Variants in COL5A2 observed in about 807,000 individuals in gnomAD.
The protein encoded by COL5A2 is collagen alpha-2(V) chain.
A neutral mutation model predicts 208.2 loss-of-function variants in COL5A2; 23 were observed. The observed-to-expected ratio is 0.11, with a 90% CI of 0.08 to 0.16. The LOEUF is 0.16. Among genes scored for constraint, COL5A2 ranks in the 10% least tolerant of loss-of-function variants. The pLI, the probability that COL5A2 is intolerant of heterozygous loss-of-function variation, is 1.00. For missense variants in COL5A2, 1,590 were observed against 1,956.4 expected (o/e 0.81, Z 3.53); for synonymous variants, 625 against 628.5 (o/e 0.99, Z 0.08).
the COL5A2 span, among the ~76,000 whole-genome samples, chr2:189,393,018 C>T: frequency 2.0e-5 from 3 of 152,188 alleles, no homozygotes; most frequent in South Asian, 4.1e-4. Flanking sequence ...TAGAACTCTA[C>T]GCATAAATAA....
chr2:189,243,345 T>G, the COL5A2 span, among the ~76,000 whole-genome samples: 2 of 152,072 alleles, frequency 1.3e-5, no homozygotes, highest in Non-Finnish European at 2.9e-5. Flanking sequence ...TAAAGACATA[T>G]CCAAAACTGG....
At chr2:189,130,240 CT>C (rs1347395129) in intron 1 of COL5A2, among the ~76,000 whole-genome samples, 2 of 151,960 alleles carry the variant, frequency 1.3e-5, no homozygotes, top group Non-Finnish European at 2.9e-5. Flanking sequence ...TATGAGTATG[CT>C]TTTAGACTAT....
intron 1 of COL5A2, among the ~76,000 whole-genome samples, chr2:189,191,765 C>T (rs918137569): frequency 6.6e-6 from 1 of 152,052 alleles, no homozygotes; most frequent in Non-Finnish European, 1.5e-5. Context: ...CATTATACTT[C>T]AGAGTACTTT....
the COL5A2 span, among the ~76,000 whole-genome samples, chr2:189,355,155 T>C: frequency 1.5e-4 from 23 of 152,232 alleles, no homozygotes; most frequent in Non-Finnish European, 3.2e-4. Context: ...CTGTTTGTTA[T>C]GATTTCCATT....
chr2:189,203,602 C>A (rs1280660047), intron 1 of COL5A2, among the ~76,000 whole-genome samples: 1 of 152,188 alleles, frequency 6.6e-6, no homozygotes, highest in Non-Finnish European at 1.5e-5. Context: ...TGCAATACTT[C>A]CAGTTTCATG....
intron 32 of COL5A2, 66 bp from the exon 33 acceptor site, chr2:189,058,593 G>T: frequency 7.1e-7 from 1 of 1,407,390 alleles, no homozygotes; most frequent in Non-Finnish European, 1.0e-6. Flanking sequence ...AAATGTTTCT[G>T]AGAAATGGCT....
chr2:189,420,672 G>A, the COL5A2 span, among the ~76,000 whole-genome samples: 1 of 152,012 alleles, frequency 6.6e-6, no homozygotes, highest in Admixed American at 6.6e-5. Context: ...AAGCCACAAA[G>A]ATAGATGAAT....
intron 1 of COL5A2, among the ~76,000 whole-genome samples, chr2:189,161,868 G>C (rs949699957): frequency 6.6e-6 from 1 of 152,194 alleles, no homozygotes; most frequent in African/African-American, 2.4e-5. Flanking sequence ...TAAAGAAAGA[G>C]GAAGTGCTAC....
chr2:189,051,719 T>C (rs1487911342), intron 41 of COL5A2, among the ~76,000 whole-genome samples: 2 of 152,234 alleles, frequency 1.3e-5, no homozygotes, highest in African/African-American at 4.8e-5. Flanking sequence ...CTTTGAATAA[T>C]TTTTAAAGAG....
In COL5A2 at chr2:189,051,459, G is replaced by T; in HGVS notation, c.2792C>A (p.Pro931His). Reference protein sequence around the residue: ...GPAGAPGPAGPLGEPGKEGPP... With the variant: ...GPAGAPGPAGHLGEPGKEGPP... ...TCCCTCCTTCCCGGGTTCCCCTAGG[G>T]GTCCCGCAGGTCCTGGAGCTCCCTA... The change falls in exon 42 of 54, where the codon CCC (proline) becomes CAC (histidine). Residue 931 changes from proline to histidine, a missense_variant. Coordinates refer to ENST00000374866, the MANE Select transcript of COL5A2 (RefSeq NM_000393.5). The T allele has an allele frequency of 6.2e-7, 1 of 1,609,220 alleles. No homozygotes were observed. Among genetic ancestry groups the T allele is most frequent in the Non-Finnish European group, 8.5e-7 (1 of 1,178,024 alleles).
chr2:189,427,421 C>G, the COL5A2 span, among the ~76,000 whole-genome samples: 1 of 152,204 alleles, frequency 6.6e-6, no homozygotes, highest in Non-Finnish European at 1.5e-5. Context: ...AGAGCCCTCA[C>G]GGAGACCCTT....
intron 16 of COL5A2, 122 bp downstream of exon 16, chr2:189,078,394 A>G: frequency 1.5e-6 from 1 of 665,430 alleles, no homozygotes; most frequent in Non-Finnish European, 2.4e-6. Flanking sequence ...CAAAAGAAAA[A>G]GAAAAAAAAA....
the COL5A2 span, among the ~76,000 whole-genome samples, chr2:189,386,680 C>T: frequency 1.3e-5 from 2 of 152,094 alleles, no homozygotes; most frequent in African/African-American, 2.4e-5. Context: ...ACACATACTT[C>T]TCAAAAGAAG....
chr2:189,301,596 T>C, the COL5A2 span, among the ~76,000 whole-genome samples: 62 of 152,288 alleles, frequency 4.1e-4, no homozygotes, highest in African/African-American at 1.5e-3. Flanking sequence ...AGATTGTCAC[T>C]GAAAAATAGG....
At chr2:189,408,815 A>C in the COL5A2 span, among the ~76,000 whole-genome samples, 1 of 152,152 alleles carries the variant, frequency 6.6e-6, no homozygotes, top group African/African-American at 2.4e-5. Context: ...ATCCAGATAT[A>C]TTTGTGAGTC....
chr2:189,415,540 T>C, the COL5A2 span, among the ~76,000 whole-genome samples: 2 of 152,258 alleles, frequency 1.3e-5, no homozygotes, highest in Admixed American at 1.3e-4. Flanking sequence ...ACTTGGTCAG[T>C]GGATTTGTAA....
chr2:189,057,470 G>A, intron 33 of COL5A2, 43 bp from the exon 34 acceptor site: 1 of 1,420,210 alleles, frequency 7.0e-7, no homozygotes, highest in Non-Finnish European at 1.0e-6. Context: ...ATAATATTAA[G>A]ATTAAACTAA....
chr2:189,358,109 G>T, the COL5A2 span, among the ~76,000 whole-genome samples: 1 of 152,002 alleles, frequency 6.6e-6, no homozygotes, highest in Non-Finnish European at 1.5e-5. Context: ...TGGAAATTTA[G>T]AAATCACCCA....
intron 38 of COL5A2, 22 bp from the exon 39 acceptor site, chr2:189,053,040 A>G (rs769616017): frequency 2.0e-5 from 31 of 1,567,350 alleles, no homozygotes; most frequent in Non-Finnish European, 2.7e-5. Context: ...TATACAAACA[A>G]GCAATTGATT....
Sources: allele counts gnomAD v4.1 joint callset (sites outside exome capture counted in the v4.1 genomes callset), GRCh38; gene constraint gnomAD v4.1.1; transcripts MANE v1.5; gene names NCBI Gene and HGNC (gene_info 2026-07-23, HGNC 2026-07-21).